PDE3A: variants seen among roughly 807,000 people sequenced by gnomAD.
The protein encoded by PDE3A is cGMP-inhibited 3',5'-cyclic phosphodiesterase 3A.
PDE3A carries 43 observed loss-of-function variants against 98.3 expected under a neutral mutation model. The ratio of observed to expected loss-of-function variants is 0.44; its 90% confidence interval spans 0.34 to 0.56. The LOEUF is 0.56. PDE3A is among the 20% of genes least tolerant of loss of function. The probability of loss-of-function intolerance (pLI) is 0.01; values close to 1 mark genes in which losing one functional copy is unlikely to be tolerated. For missense variants in PDE3A, 1,427 were observed against 1,440.7 expected, an observed-to-expected ratio of 0.99 and a Z score of 0.15; for synonymous variants, 663 against 567.9, an observed-to-expected ratio of 1.17 and a Z score of -2.38.
At chr12:20,476,461 G>A (rs531373759) in intron 1 of PDE3A, among the ~76,000 whole-genome samples, 40 of 152,278 alleles carry the variant, frequency 2.6e-4, no homozygotes, top group African/African-American at 9.1e-4. Flanking sequence ...ATAAGAGAAT[G>A]TCAACGGACA....
chr12:20,659,091 T>C (rs993006731), intron 15 of PDE3A, among the ~76,000 whole-genome samples: 2 of 152,156 alleles, frequency 1.3e-5, no homozygotes. Context: ...GATCTGTGTT[T>C]CCAAAGTATC....
At chr12:20,450,209 A>C in intron 1 of PDE3A, 3 of 279,284 alleles carry the variant, frequency 1.1e-5, no homozygotes. Context: ...TTCAATAATT[A>C]TATATTGAGT....
At chr12:20,598,349 A>T (rs1943514794) in intron 2 of PDE3A, among the ~76,000 whole-genome samples, 1 of 151,748 alleles carries the variant, frequency 6.6e-6, no homozygotes, top group African/African-American at 2.4e-5. Context: ...CGCCCGGCTA[A>T]TTTTTTGTAT....
At chr12:20,553,245 G>T in intron 1 of PDE3A, among the ~76,000 whole-genome samples, 2 of 118,458 alleles carry the variant, frequency 1.7e-5, no homozygotes, top group African/African-American at 3.3e-5. Flanking sequence ...TTAGTTCTTT[G>T]AAAACATAAA....
intron 1 of PDE3A, among the ~76,000 whole-genome samples, chr12:20,490,603 T>C (rs182436783): frequency 1.7e-3 from 265 of 152,172 alleles, no homozygotes; most frequent in African/African-American, 5.0e-3. Context: ...CCTTATAGAG[T>C]TTAGAGATTT....
intron 1 of PDE3A, among the ~76,000 whole-genome samples, chr12:20,500,061 G>C (rs890554260): frequency 2.0e-5 from 3 of 152,162 alleles, no homozygotes; most frequent in Non-Finnish European, 2.9e-5. Flanking sequence ...GAAGAAGCAA[G>C]AGTCTCTGCC....
rs1337104419 is a variant in PDE3A, at chr12:20,369,713, C to T, written c.429C>T (p.Phe143=). Residue 143 remains phenylalanine (F), a synonymous_variant, in exon 1 of 16, where the codon TTC becomes TTT. Coordinates refer to ENST00000359062, the MANE Select transcript of PDE3A (RefSeq NM_000921.5). ...SALLFSLLCA[F]FWMGLYLLRA... ...TGCTCTTCAGTCTCCTGTGTGCCTT[C>T]TTCTGGATGGGCTTGTACCTCCTGC... The T allele has an allele frequency of 5.0e-6, 8 of 1,612,178 alleles. No homozygotes were observed. Among genetic ancestry groups the T allele is most frequent in the Non-Finnish European group, 5.9e-6 (7 of 1,179,756 alleles).
At chr12:20,377,224 T>C (rs1943588574) in intron 1 of PDE3A, among the ~76,000 whole-genome samples, 1 of 151,750 alleles carries the variant, frequency 6.6e-6, no homozygotes, top group Non-Finnish European at 1.5e-5. Context: ...CTATAAACAT[T>C]ATAGATAAGC....
intron 2 of PDE3A, among the ~76,000 whole-genome samples, chr12:20,612,263 T>TA (rs1446343035): frequency 7.8e-6 from 1 of 128,330 alleles, no homozygotes; most frequent in Admixed American, 8.0e-5. Context: ...ATATATATAT[T>TA]GGTTATTTAC....
chr12:20,572,920 C>T (rs1003809273), intron 2 of PDE3A, among the ~76,000 whole-genome samples: 4 of 151,902 alleles, frequency 2.6e-5, no homozygotes, highest in African/African-American at 9.7e-5. Context: ...ATAATATCTT[C>T]CCCCCATACT....
rs1371327524 is a variant in PDE3A, at chr12:20,648,314, AT to A, written c.2566-367del. On this transcript the variant is annotated intron_variant, in intron 12 of 15. Transcript: ENST00000359062. ...ATATTTACATATATATGTAAATATA[AT>A]TTTTTTCTTTTTTCTTTCTCCCTCC... 4.0e-5 allele frequency among the ~76,000 whole-genome samples: 6 copies of A among 150,034 alleles called. No individual in the cohort carries two copies. In the East Asian group the frequency reaches 5.8e-4, roughly 15 times the overall value.
chr12:20,477,323 A>G (rs993789427), intron 1 of PDE3A, among the ~76,000 whole-genome samples: 1 of 152,198 alleles, frequency 6.6e-6, no homozygotes, highest in Non-Finnish European at 1.5e-5. Flanking sequence ...TCTTTTTCCT[A>G]TTAAAAAATA....
At chr12:20,612,570 G>GT (rs1270271026) in intron 2 of PDE3A, among the ~76,000 whole-genome samples, 2 of 82,664 alleles carry the variant, frequency 2.4e-5, no homozygotes, top group Non-Finnish European at 5.1e-5. Flanking sequence ...TTATACTTCT[G>GT]TTTTTTCTCT....
In PDE3A at chr12:20,552,022, G is replaced by T. The variant is rs1942220378; in HGVS notation, c.961-4638G>T. 1.9e-6 allele frequency: 3 copies of T among 1,612,478 alleles called. No individual in the cohort carries two copies. The highest frequency in any genetic ancestry group is 2.5e-6 in the Non-Finnish European group (3 of 1,179,894). ...AGCGTACTCCCTAGTCCTGGCGGGG[G>T]GCTACGAGGATGACGTGGACCATGG... On this transcript the variant is annotated intron_variant, in intron 1 of 15. Transcript: ENST00000359062. The surrounding 1 kb of genome is among the most constrained non-coding windows in gnomAD (Gnocchi z 5.1).
chr12:20,571,832 G>A, intron 2 of PDE3A: 1 of 862,808 alleles, frequency 1.2e-6, no homozygotes, highest in Non-Finnish European at 1.4e-6. Flanking sequence ...TTTCCCACTA[G>A]ACTAAAGCTT....
intron 5 of PDE3A, among the ~76,000 whole-genome samples, chr12:20,627,781 TC>T (rs757881386): frequency 4.3e-4 from 65 of 152,326 alleles, no homozygotes; most frequent in Non-Finnish European, 7.6e-4. Flanking sequence ...ACCTACTCCA[TC>T]CGTGGAGCAA....
At chr12:20,669,658 T>G (rs977039352) in intron 15 of PDE3A, among the ~76,000 whole-genome samples, 4 of 151,600 alleles carry the variant, frequency 2.6e-5, no homozygotes, top group Non-Finnish European at 4.4e-5. Flanking sequence ...CTGAGAGATT[T>G]TGTCACCACC....
intron 1 of PDE3A, among the ~76,000 whole-genome samples, chr12:20,531,019 C>T (rs964013180): frequency 7.9e-5 from 12 of 152,264 alleles, no homozygotes; most frequent in African/African-American, 2.9e-4. Flanking sequence ...TGAAATGTCA[C>T]CCCAAAGTAG....
chr12:20,559,455 TG>T (rs1337121563), intron 2 of PDE3A, among the ~76,000 whole-genome samples: 1 of 151,410 alleles, frequency 6.6e-6, no homozygotes, highest in Non-Finnish European at 1.5e-5. Context: ...CTGTCCAACA[TG>T]GTGAAACCCC....
Sources: allele counts gnomAD v4.1 joint callset (sites outside exome capture counted in the v4.1 genomes callset), GRCh38; gene constraint gnomAD v4.1.1; non-coding constraint Gnocchi (gnomAD v3.1); transcripts MANE v1.5; gene names NCBI Gene and HGNC (gene_info 2026-07-23, HGNC 2026-07-21).